Variants in GPR137B observed in about 807,000 individuals in gnomAD.
GPR137B encodes integral membrane protein GPR137B.
In GPR137B, 42 loss-of-function variants were observed where a neutral mutation model predicts 42.5. The observed-to-expected ratio is 0.99, with a 90% CI of 0.77 to 1.28. GPR137B has a LOEUF of 1.28. Among genes scored for constraint, GPR137B ranks in the 50% most tolerant of loss-of-function variants. GPR137B has a pLI of 0.00. For synonymous variants in GPR137B, 218 were observed against 209.7 expected, an observed-to-expected ratio of 1.04 and a Z score of -0.34; for missense variants, 487 against 493.9, an observed-to-expected ratio of 0.99 and a Z score of 0.13.
chr1:236,205,406 C>T (rs1663627647), intron 6 of GPR137B, among the ~76,000 whole-genome samples, 156 bp downstream of exon 6: 1 of 152,176 alleles, frequency 6.6e-6, no homozygotes, highest in Non-Finnish European at 1.5e-5. Flanking sequence ...TTATGTGAAA[C>T]ATTCAGGAAT....
chr1:236,204,032 T>C (rs1012606948), intron 5 of GPR137B, among the ~76,000 whole-genome samples: 1 of 152,250 alleles, frequency 6.6e-6, no homozygotes, highest in Non-Finnish European at 1.5e-5. Flanking sequence ...CTATTCAGTA[T>C]GATACTAGCT....
rs999680776 is a variant in GPR137B, at chr1:236,150,139, G to T, written c.414+7103G>T. On this transcript the variant is annotated intron_variant, in intron 1 of 6. Transcript: ENST00000366592. The surrounding 1 kb of genome is among the most constrained non-coding windows in gnomAD (Gnocchi z 6.2). ...TCTGTGCCTGCGTGTGCCTGTGTGT[G>T]TGCCTCTGTTTGTGTCTGTGCATGT... Among the ~76,000 whole-genome samples the T allele has an allele frequency of 6.6e-6, 1 of 151,090 alleles. No homozygotes were observed. The highest frequency in any genetic ancestry group is 2.4e-5 in the African/African-American group (1 of 40,964).
chr1:236,178,784 G>C (rs1662770713), intron 3 of GPR137B, 148 bp downstream of exon 3: 1 of 34,238 alleles, frequency 2.9e-5, no homozygotes, highest in Admixed American at 3.9e-4. Flanking sequence ...GGCTACTCGA[G>C]GTTTTTTTTT....
chr1:236,176,975 T>C (rs1360013471), intron 2 of GPR137B, among the ~76,000 whole-genome samples: 1 of 151,222 alleles, frequency 6.6e-6, no homozygotes, highest in Non-Finnish European at 1.5e-5. Flanking sequence ...TGACTGCCTG[T>C]GTACCCATGG....
At chr1:236,166,090 G>T (rs1662344008) in intron 1 of GPR137B, among the ~76,000 whole-genome samples, 1 of 152,142 alleles carries the variant, frequency 6.6e-6, no homozygotes, top group Non-Finnish European at 1.5e-5. Context: ...TATTGAACGG[G>T]TCAAACATTT....
At chr1:236,178,763 T>G (rs1189090661) in intron 3 of GPR137B, 127 bp downstream of exon 3, 1 of 326,628 alleles carries the variant, frequency 3.1e-6, no homozygotes, top group Non-Finnish European at 5.8e-6. Context: ...TTTTATTGTC[T>G]CCCACACAGG....
In GPR137B at chr1:236,142,739, C is replaced by A. The variant is rs1488526236; in HGVS notation, c.117C>A (p.Pro39=). The change falls in exon 1 of 7, where the codon CCC becomes CCA. Residue 39 remains proline (P), a synonymous_variant. Coordinates refer to ENST00000366592, the MANE Select transcript of GPR137B (RefSeq NM_003272.4). ...LPPTLTPAVP[P]YVKLGLTVVY... ...CCACGCTGACCCCGGCCGTGCCCCCCTACGTGAAGCTTGGCCTCACCGTCG... is the reference window on the plus strand; with the variant it reads ...CCACGCTGACCCCGGCCGTGCCCCCATACGTGAAGCTTGGCCTCACCGTCG... 1.2e-6 allele frequency: 2 copies of A among 1,607,902 alleles called. No homozygotes were observed. Among genetic ancestry groups the A allele is most frequent in the Non-Finnish European group, 8.5e-7 (1 of 1,178,178 alleles).
At position 236,183,916 on chromosome 1, in the gene GPR137B, C is replaced by A; in HGVS notation, c.966+10C>A. On this transcript the variant is annotated intron_variant, in intron 5 of 6. Coordinates refer to ENST00000366592, the MANE Select transcript of GPR137B (RefSeq NM_003272.4). ...TCCTACAAAGGACCTTGTAAGTAAA[C>A]CATTTTACATTTGTAAGAAAATGTC... The A allele has an allele frequency of 1.9e-6, 3 of 1,582,058 alleles. No homozygotes were observed. The highest frequency in any genetic ancestry group is 2.2e-5 in the South Asian group (2 of 89,474).
At chr1:236,200,550 G>A (rs1663463947) in intron 5 of GPR137B, among the ~76,000 whole-genome samples, 1 of 151,854 alleles carries the variant, frequency 6.6e-6, no homozygotes, top group Non-Finnish European at 1.5e-5. Context: ...TATATATTTA[G>A]GATTGTGATA....
chr1:236,174,696 CTG>C (rs1662633957), intron 2 of GPR137B, among the ~76,000 whole-genome samples: 2 of 152,164 alleles, frequency 1.3e-5, no homozygotes, highest in Non-Finnish European at 2.9e-5. Flanking sequence ...AAGAGGGACA[CTG>C]GGGCTGGGTG....
chr1:236,203,014 G>T (rs1412029543), intron 5 of GPR137B, among the ~76,000 whole-genome samples: 1 of 152,104 alleles, frequency 6.6e-6, no homozygotes, highest in African/African-American at 2.4e-5. Flanking sequence ...TTCACTGTAG[G>T]TGTGTGGATT....
chr1:236,156,725 T>C lies in GPR137B; in HGVS notation c.415-11981T>C, dbSNP rs963158850. Among the ~76,000 whole-genome samples the C allele has an allele frequency of 2.6e-5, 4 of 152,166 alleles. No homozygotes were observed. Among genetic ancestry groups the C allele is most frequent in the African/African-American group, 7.2e-5 (3 of 41,442 alleles). ...CTCTGCTGAGTGAGGATGCTCAGCA[T>C]GTGGGAACAGACTGAAGCAGCTGAC... On this transcript the variant is annotated intron_variant, in intron 1 of 6. Coordinates refer to ENST00000366592, the MANE Select transcript of GPR137B (RefSeq NM_003272.4). This position sits in a 1 kb window ranked among gnomAD's most constrained non-coding sequence, Gnocchi z 4.8.
intron 3 of GPR137B, among the ~76,000 whole-genome samples, 160 bp downstream of exon 3, chr1:236,178,796 T>G (rs1050783867): frequency 0.022 from 1,780 of 81,556 alleles, 162 homozygotes; most frequent in African/African-American, 0.07. Flanking sequence ...TTTTTTTTTT[T>G]TTTTTTTTTT....
intron 2 of GPR137B, among the ~76,000 whole-genome samples, chr1:236,170,034 C>T: frequency 9.8e-6 from 1 of 101,914 alleles, no homozygotes; most frequent in African/African-American, 4.0e-5. Context: ...AGTGAGAATC[C>T]ATCTCAAAAA....
At position 236,142,940 on chromosome 1, in the gene GPR137B, C is replaced by T. The variant is rs1292873609; in HGVS notation, c.318C>T (p.Ala106=). 1 of 1,614,160 alleles carries T rather than the reference C, an allele frequency of 6.2e-7. No individual in the cohort carries two copies. The highest frequency in any genetic ancestry group is 8.5e-7 in the Non-Finnish European group (1 of 1,179,974). ...TCTACTTCAAAGACTTCGTGGCGGC[C>T]AATTCGCTCAGCCCCTTCGTCTTCT... ...FSFYFKDFVA[A]NSLSPFVFWL... The change falls in exon 1 of 7, where the codon GCC becomes GCT. Residue 106 remains alanine (A), a synonymous_variant. Transcript: ENST00000366592.
rs780888709 is a variant in GPR137B at position 236,179,949 on chromosome 1, A to G, written c.758A>G (p.Tyr253Cys). The G allele has an allele frequency of 4.3e-6, 7 of 1,612,830 alleles. No individual in the cohort carries two copies. The highest frequency in any genetic ancestry group is 1.1e-5 in the South Asian group (1 of 90,990). The change falls in exon 4 of 7, where the codon TAC becomes TGC. Residue 253 changes from tyrosine (Y) to cysteine (C), a missense_variant. By Grantham distance (194) the Tyr-to-Cys change is radical. Transcript: ENST00000366592. ...CTGCTTTACACCTCTCGGGCCTGCT[A>G]CAACCTGTTCATCCTGTCATTTTCT... ...VILLYTSRAC[Y>C]NLFILSFSQN...
chr1:236,208,246 T>C lies in GPR137B; in HGVS notation c.*88T>C, dbSNP rs1009998804. On this transcript the variant is annotated 3_prime_UTR_variant, in exon 7 of 7. Coordinates refer to ENST00000366592, the MANE Select transcript of GPR137B (RefSeq NM_003272.4). ...GCTGAATTTTTAGGGCACTTTTCCT[T>C]AAGAAATAGAACTTGATTTTTATTT... The C allele has an allele frequency of 2.0e-6, 3 of 1,538,352 alleles. No individual in the cohort carries two copies. The highest frequency in any genetic ancestry group is 2.8e-5 in the African/African-American group (2 of 71,280).
rs137885532 is a variant in GPR137B at position 236,182,239 on chromosome 1, T to A, written c.838-1539T>A. On this transcript the variant is annotated intron_variant, in intron 4 of 6. Coordinates refer to ENST00000366592, the MANE Select transcript of GPR137B (RefSeq NM_003272.4). ...TACAGTTCACTGGTATTAAGTACAC[T>A]CAGTGTTGTGCAGCCATCATCACCA... 1.4e-4 allele frequency among the ~76,000 whole-genome samples: 21 copies of A among 152,276 alleles called. 1 individual carries two copies. In the East Asian group the frequency reaches 4.1e-3, roughly 29 times the overall value.
chr1:236,205,625 C>T (rs2102928214), intron 6 of GPR137B, among the ~76,000 whole-genome samples: 1 of 152,330 alleles, frequency 6.6e-6, no homozygotes, highest in East Asian at 1.9e-4. Flanking sequence ...ACTGCAACCT[C>T]CCGCTCCCAG....
Sources: allele counts gnomAD v4.1 joint callset (sites outside exome capture counted in the v4.1 genomes callset), GRCh38; gene constraint gnomAD v4.1.1; non-coding constraint Gnocchi (gnomAD v3.1); transcripts MANE v1.5; gene names NCBI Gene and HGNC (gene_info 2026-07-23, HGNC 2026-07-21).